CPS1: variants seen among roughly 807,000 people sequenced by gnomAD.
CPS1 encodes carbamoyl-phosphate synthase [ammonia], mitochondrial.
CPS1 carries 109 observed loss-of-function variants against 174.6 expected under a neutral mutation model. The ratio of observed to expected loss-of-function variants is 0.62; its 90% CI spans 0.53 to 0.73. CPS1 has a LOEUF of 0.73. Ranked by LOEUF, CPS1 falls within the 30% of genes least tolerant of loss-of-function variation. CPS1 has a pLI of 0.00. For missense variants in CPS1, 1,689 were observed against 1,821.9 expected (o/e 0.93, Z 1.33); for synonymous variants, 637 against 632.0 (o/e 1.01, Z -0.12).
intron 1 of CPS1, among the ~76,000 whole-genome samples, chr2:210,540,629 C>G (rs967734459): frequency 1.3e-5 from 2 of 152,134 alleles, no homozygotes; most frequent in African/African-American, 4.8e-5. Flanking sequence ...ATTCTATCAG[C>G]AAACCTCCAT....
chr2:210,624,960 C>A (rs925093745), intron 21 of CPS1, among the ~76,000 whole-genome samples: 13 of 151,960 alleles, frequency 8.6e-5, no homozygotes, highest in Non-Finnish European at 1.5e-4. Context: ...GTATATATAT[C>A]TATAAATAGT....
intron 1 of CPS1, among the ~76,000 whole-genome samples, chr2:210,532,946 C>T (rs1309141298): frequency 6.6e-6 from 1 of 152,084 alleles, no homozygotes; most frequent in Non-Finnish European, 1.5e-5. Context: ...AGAAGGTGAT[C>T]CTGCAAGAAC....
intron 1 of CPS1, among the ~76,000 whole-genome samples, chr2:210,485,561 C>T (rs529133218): frequency 6.6e-6 from 1 of 152,182 alleles, no homozygotes; most frequent in East Asian, 1.9e-4. Context: ...TTTTTTCACT[C>T]AGTATAATTA....
intron 1 of CPS1, among the ~76,000 whole-genome samples, chr2:210,535,080 G>C (rs374241197): frequency 6.6e-6 from 1 of 152,200 alleles, no homozygotes; most frequent in Non-Finnish European, 1.5e-5. Flanking sequence ...GGCCCACTGA[G>C]CACTTCCCTG....
At chr2:210,675,479 T>C (rs1350643666) in intron 35 of CPS1, among the ~76,000 whole-genome samples, 2 of 152,226 alleles carry the variant, frequency 1.3e-5, no homozygotes, top group Non-Finnish European at 2.9e-5. Context: ...TAAATTCAAA[T>C]TAAACATATA....
chr2:210,525,203 C>A (rs1165996175), intron 1 of CPS1, among the ~76,000 whole-genome samples: 3 of 151,834 alleles, frequency 2.0e-5, no homozygotes, highest in Non-Finnish European at 2.9e-5. Context: ...TAGGCTTCAG[C>A]TTCTACAGGC....
Position 210,595,719 on chromosome 2 carries a change from C to G in CPS1, c.1359+137C>G. On this transcript the variant is annotated intron_variant, in intron 13 of 37. Coordinates refer to ENST00000233072, the MANE Select transcript of CPS1 (RefSeq NM_001875.5). ...TTTCCTTAACTGTGCCTTTATAAATCTTGTATTAAAGAAGCTTGATCACGA... is the reference window on the plus strand; with the variant it reads ...TTTCCTTAACTGTGCCTTTATAAATGTTGTATTAAAGAAGCTTGATCACGA... The G allele has an allele frequency of 4.4e-6, 3 of 687,336 alleles. No individual in the cohort carries two copies. In the South Asian group the frequency reaches 5.2e-5, roughly 12 times the overall value. 42.6% of individuals were successfully genotyped at this position (687,336 alleles called of 1,614,324 possible).
intron 1 of CPS1, among the ~76,000 whole-genome samples, chr2:210,491,515 A>G (rs947162099): frequency 6.6e-6 from 1 of 151,852 alleles, no homozygotes; most frequent in Non-Finnish European, 1.5e-5. Context: ...GGGTTTCACT[A>G]TGTTAGCCAG....
At chr2:210,593,375 C>T (rs1237357617) in intron 11 of CPS1, 3 of 1,079,144 alleles carry the variant, frequency 2.8e-6, no homozygotes, top group Non-Finnish European at 3.4e-6. Context: ...GGAGAATAAA[C>T]AGCAGCAGGA....
At chr2:210,561,451 A>G (rs1033364508) in intron 1 of CPS1, among the ~76,000 whole-genome samples, 16 of 152,172 alleles carry the variant, frequency 1.1e-4, no homozygotes, top group Admixed American at 4.6e-4. Context: ...TAGAGGTGAC[A>G]TTAGGTCTTA....
intron 1 of CPS1, among the ~76,000 whole-genome samples, chr2:210,516,268 A>G (rs1202869300): frequency 6.6e-6 from 1 of 151,760 alleles, no homozygotes; most frequent in Non-Finnish European, 1.5e-5. Context: ...TTCTGCCTCA[A>G]TGATCTGTCT....
intron 1 of CPS1, among the ~76,000 whole-genome samples, chr2:210,518,853 C>A (rs949145138): frequency 6.6e-6 from 1 of 151,982 alleles, no homozygotes; most frequent in Non-Finnish European, 1.5e-5. Flanking sequence ...GGTGGGTGAC[C>A]TGCAGGCCCT....
intron 34 of CPS1, among the ~76,000 whole-genome samples, chr2:210,670,976 A>G (rs891128859): frequency 1.3e-5 from 2 of 152,222 alleles, no homozygotes; most frequent in African/African-American, 2.4e-5. Context: ...CATTTCTAAC[A>G]TAAGAAAGGC....
intron 4 of CPS1, among the ~76,000 whole-genome samples, chr2:210,579,091 A>T (rs1697815903): frequency 6.6e-6 from 1 of 152,216 alleles, no homozygotes. Flanking sequence ...GAAGAAAAAA[A>T]AACTAGAACA....
intron 24 of CPS1, among the ~76,000 whole-genome samples, chr2:210,640,356 A>C (rs1205894615): frequency 6.6e-6 from 1 of 152,202 alleles, no homozygotes; most frequent in Non-Finnish European, 1.5e-5. Flanking sequence ...GGAATGGATT[A>C]GATTTTGACC....
chr2:210,526,343 G>T (rs1209714312), intron 1 of CPS1, among the ~76,000 whole-genome samples: 1 of 150,818 alleles, frequency 6.6e-6, no homozygotes, highest in Non-Finnish European at 1.5e-5. Context: ...TAACAAACCT[G>T]CACATTCTGT....
At chr2:210,667,974 C>G (rs919668613) in intron 33 of CPS1, among the ~76,000 whole-genome samples, 1 of 152,078 alleles carries the variant, frequency 6.6e-6, no homozygotes, top group Admixed American at 6.6e-5. Flanking sequence ...TCTGCCCTGG[C>G]CAGCCTTTTA....
chr2:210,648,141 A>G (rs1700440054), intron 26 of CPS1, 84 bp downstream of exon 26: 2 of 1,360,136 alleles, frequency 1.5e-6, no homozygotes, highest in African/African-American at 1.4e-5. Flanking sequence ...TGACTATTGG[A>G]TATGTTAACT....
chr2:210,664,343 T>C (rs1701020858), intron 33 of CPS1, among the ~76,000 whole-genome samples: 1 of 148,092 alleles, frequency 6.8e-6, no homozygotes, highest in African/African-American at 2.5e-5. Context: ...TCTTTCTTCC[T>C]TTTTTTTTTG....
Sources: allele counts gnomAD v4.1 joint callset (sites outside exome capture counted in the v4.1 genomes callset), GRCh38; gene constraint gnomAD v4.1.1; transcripts MANE v1.5; gene names NCBI Gene and HGNC (gene_info 2026-07-23, HGNC 2026-07-21).